The following SAMD13 variants were observed in gnomAD, a reference collection of about 807,000 sequenced individuals.
The protein encoded by SAMD13 is sterile alpha motif domain containing 13.
Under a neutral mutation model 12.4 loss-of-function variants are expected in SAMD13, and 9 were observed. The ratio of observed to expected loss-of-function variants is 0.72; its 90% CI spans 0.44 to 1.26. SAMD13 has a LOEUF of 1.26. Among genes scored for constraint, SAMD13 ranks in the 50% most tolerant of loss-of-function variants. SAMD13 has a pLI of 0.00. For missense variants in SAMD13, 84 were observed against 119.6 expected, an observed-to-expected ratio of 0.70 and a Z score of 1.39; for synonymous variants, 46 against 45.4, an observed-to-expected ratio of 1.01 and a Z score of -0.05.
At chr1:84,321,543 A>G (rs964304852) in intron 2 of SAMD13, among the ~76,000 whole-genome samples, 1 of 152,184 alleles carries the variant, frequency 6.6e-6, no homozygotes, top group African/African-American at 2.4e-5. Flanking sequence ...CCACAATGGA[A>G]CCACCACCTG....
At chr1:84,308,537 G>A (rs1678635464) in intron 2 of SAMD13, among the ~76,000 whole-genome samples, 1 of 152,186 alleles carries the variant, frequency 6.6e-6, no homozygotes, top group Non-Finnish European at 1.5e-5. Context: ...TGAGTAATGT[G>A]TGACAGGGTT....
intron 3 of SAMD13, among the ~76,000 whole-genome samples, chr1:84,347,628 G>A (rs1443941326): frequency 2.0e-5 from 3 of 152,166 alleles, no homozygotes; most frequent in Admixed American, 1.3e-4. Flanking sequence ...CACAACAGCC[G>A]AGGAAAGATG....
chr1:84,329,112 G>A lies in SAMD13; in HGVS notation c.165+3364G>A, dbSNP rs566796328. On this transcript the variant is annotated intron_variant, in intron 3 of 3. Transcript: ENST00000394834. ...TAGGTTTAGATGAGGTCATGAGGAT[G>A]GAACCCCCATGATGAGATCAATGCT... Among the ~76,000 whole-genome samples, 355 of 152,148 alleles carry A rather than the reference G, an allele frequency of 2.3e-3. 4 individuals carry two copies. In the Middle Eastern group the frequency reaches 0.031, roughly 13 times the overall value.
Position 84,350,293 on chromosome 1 carries a change from A to T in SAMD13, c.*519A>T, listed in dbSNP as rs375423600. On this transcript the variant is annotated 3_prime_UTR_variant, in exon 4 of 4. Coordinates refer to ENST00000394834, the MANE Select transcript of SAMD13 (RefSeq NM_001134663.2). ...TATAGAGGGTTCTCCACTTGACCTT[A>T]TTAAGGTTTTATTGGGATATGCTGC... The T allele has an allele frequency of 4.6e-5, 7 of 152,440 alleles. No homozygotes were observed. The highest frequency in any genetic ancestry group is 1.7e-4 in the African/African-American group (7 of 41,426). 9.4% of individuals were successfully genotyped at this position (152,440 alleles called of 1,614,324 possible).
At chr1:84,320,568 C>T (rs979633886) in intron 2 of SAMD13, among the ~76,000 whole-genome samples, 5 of 152,164 alleles carry the variant, frequency 3.3e-5, no homozygotes, top group Non-Finnish European at 7.3e-5. Context: ...GCTTCATCCT[C>T]AGGTTTGTCA....
chr1:84,326,149 A>G (rs1679056335), intron 3 of SAMD13, among the ~76,000 whole-genome samples: 1 of 152,136 alleles, frequency 6.6e-6, no homozygotes, highest in Non-Finnish European at 1.5e-5. Context: ...TGGCCTCAGC[A>G]CCCAATGGAC....
intron 2 of SAMD13, among the ~76,000 whole-genome samples, chr1:84,313,980 T>A (rs574918754): frequency 1.3e-5 from 2 of 152,290 alleles, no homozygotes; most frequent in East Asian, 3.9e-4. Context: ...AAGCTATGTA[T>A]TATGTTAAAG....
intron 2 of SAMD13, among the ~76,000 whole-genome samples, chr1:84,317,665 T>C (rs1439364482): frequency 6.6e-6 from 1 of 152,072 alleles, no homozygotes; most frequent in African/African-American, 2.4e-5. Context: ...TTTCTTTTCT[T>C]GTGTGTCTTT....
chr1:84,299,679 ATT>A, upstream of SAMD13: 33 of 919,462 alleles, frequency 3.6e-5, no homozygotes, highest in Admixed American at 4.4e-5. Context: ...ATATATATTT[ATT>A]TATTTATTTA....
chr1:84,307,818 A>G (rs933278314), intron 2 of SAMD13, among the ~76,000 whole-genome samples: 7 of 151,940 alleles, frequency 4.6e-5, no homozygotes, highest in Non-Finnish European at 7.4e-5. Context: ...ACCCTTTTTT[A>G]TGCTCCTGAA....
upstream of SAMD13, chr1:84,299,505 C>T: frequency 2.3e-6 from 2 of 861,174 alleles, no homozygotes; most frequent in Non-Finnish European, 3.2e-6. Flanking sequence ...TACACACACA[C>T]CCCCACATAC....
chr1:84,323,395 T>C (rs996014227), intron 2 of SAMD13, among the ~76,000 whole-genome samples: 2 of 152,136 alleles, frequency 1.3e-5, no homozygotes, highest in African/African-American at 4.8e-5. Context: ...ATATTGCCTG[T>C]TAAATGGTAG....
intron 2 of SAMD13, 90 bp downstream of exon 2, chr1:84,303,377 A>C: frequency 9.3e-7 from 1 of 1,072,414 alleles, no homozygotes; most frequent in Non-Finnish European, 1.4e-6. Context: ...CTACTACAAT[A>C]CACAGTTTGG....
intron 3 of SAMD13, among the ~76,000 whole-genome samples, chr1:84,327,757 T>C (rs781113623): frequency 6.6e-5 from 10 of 152,146 alleles, no homozygotes; most frequent in Non-Finnish European, 1.5e-4. Flanking sequence ...TGTGGACATA[T>C]ATGTGGTAAA....
At chr1:84,334,859 G>A (rs1679261225) in intron 3 of SAMD13, among the ~76,000 whole-genome samples, 1 of 151,954 alleles carries the variant, frequency 6.6e-6, no homozygotes, top group East Asian at 1.9e-4. Context: ...GTACAGTTTT[G>A]AGTGACCTTC....
At position 84,320,202 on chromosome 1, in the gene SAMD13, C is replaced by A. The variant is rs1678910692; in HGVS notation, c.54-5435C>A. ...TTCTTTATAATGAGCAGGACTAATC[C>A]CTGGAAGTTGAACAGAAAGGGTTTG... On this transcript the variant is annotated intron_variant, in intron 2 of 3. Coordinates refer to ENST00000394834, the MANE Select transcript of SAMD13 (RefSeq NM_001134663.2). Among the ~76,000 whole-genome samples, 4 of 152,014 alleles carry A rather than the reference C, an allele frequency of 2.6e-5. No individual in the cohort carries two copies. The South Asian group carries it at 8.3e-4, about 32-fold the overall frequency.
At chr1:84,299,955 A>C (rs563090875), upstream of SAMD13, among the ~76,000 whole-genome samples, 2 of 152,234 alleles carry the variant, frequency 1.3e-5, no homozygotes, top group South Asian at 4.1e-4. Context: ...GCTGTGTCTA[A>C]GGAAGAGCTG....
At chr1:84,346,565 T>C (rs1460967377) in intron 3 of SAMD13, among the ~76,000 whole-genome samples, 1 of 152,164 alleles carries the variant, frequency 6.6e-6, no homozygotes, top group Non-Finnish European at 1.5e-5. Flanking sequence ...TTGGTCACAC[T>C]CCAATCACTT....
chr1:84,330,338 G>A (rs1008503957), intron 3 of SAMD13, among the ~76,000 whole-genome samples: 8 of 152,186 alleles, frequency 5.3e-5, no homozygotes, highest in Non-Finnish European at 8.8e-5. Context: ...CACTTGAGAC[G>A]CAGTTGAACT....
Sources: allele counts gnomAD v4.1 joint callset (sites outside exome capture counted in the v4.1 genomes callset), GRCh38; gene constraint gnomAD v4.1.1; transcripts MANE v1.5; gene names NCBI Gene and HGNC (gene_info 2026-07-23, HGNC 2026-07-21).